Variants in LGSN observed in about 807,000 individuals in gnomAD.
The protein encoded by LGSN is lengsin.
A neutral mutation model predicts 19.5 loss-of-function variants in LGSN; 21 were observed. The observed-to-expected ratio is 1.07, with a 90% CI of 0.76 to 1.55. LGSN has a LOEUF of 1.55. LGSN is among the 40% of genes most tolerant of loss of function. The pLI is 0.00. For synonymous variants in LGSN, 257 were observed against 215.6 expected, an observed-to-expected ratio of 1.19 and a Z score of -1.68; for missense variants, 673 against 608.5, an observed-to-expected ratio of 1.11 and a Z score of -1.12.
chr6:63,323,408 T>G (rs948845810), upstream of LGSN, among the ~76,000 whole-genome samples: 2 of 152,158 alleles, frequency 1.3e-5, no homozygotes, highest in Admixed American at 6.5e-5. Context: ...CCCTTTTGAG[T>G]CTCTACTGTC....
the LGSN span, among the ~76,000 whole-genome samples, chr6:63,407,449 T>C: frequency 5.9e-5 from 9 of 152,316 alleles, no homozygotes; most frequent in South Asian, 1.9e-3. Flanking sequence ...TCTCAATAGA[T>C]GCAGAAAAGA....
At chr6:63,566,097 C>A in the LGSN span, among the ~76,000 whole-genome samples, 1 of 152,316 alleles carries the variant, frequency 6.6e-6, no homozygotes, top group East Asian at 1.9e-4. Flanking sequence ...AATGTACATA[C>A]CTGTTTTGTC....
the LGSN span, among the ~76,000 whole-genome samples, chr6:63,509,004 T>C: frequency 6.6e-6 from 1 of 151,670 alleles, no homozygotes; most frequent in Non-Finnish European, 1.5e-5. Context: ...TAATAATTAT[T>C]TATATAGTTT....
chr6:63,284,088 C>A (rs1020779477), intron 3 of LGSN, among the ~76,000 whole-genome samples: 1 of 152,030 alleles, frequency 6.6e-6, no homozygotes. Flanking sequence ...TGTGCTAATA[C>A]TCATTATTTA....
At chr6:63,441,957 C>T in the LGSN span, 1 of 212,844 alleles carries the variant, frequency 4.7e-6, no homozygotes, top group Non-Finnish European at 9.3e-6. Context: ...GTGAGTGTTA[C>T]AGTTCTTAAA....
the LGSN span, among the ~76,000 whole-genome samples, chr6:63,428,094 G>C: frequency 2.0e-5 from 3 of 151,980 alleles, no homozygotes; most frequent in African/African-American, 7.2e-5. Flanking sequence ...CTCATGCTGA[G>C]AGCAACATTC....
chr6:63,345,703 G>T, the LGSN span, among the ~76,000 whole-genome samples: 1 of 152,062 alleles, frequency 6.6e-6, no homozygotes, highest in Non-Finnish European at 1.5e-5. Flanking sequence ...ACATCCCACT[G>T]GTCTAGAATT....
chr6:63,461,301 C>G, the LGSN span, among the ~76,000 whole-genome samples: 1 of 152,342 alleles, frequency 6.6e-6, no homozygotes, highest in African/African-American at 2.4e-5. Context: ...ATCCACCCAC[C>G]TCAGCCTTCC....
intron 1 of LGSN, among the ~76,000 whole-genome samples, chr6:63,312,592 C>T (rs144959339): frequency 6.6e-6 from 1 of 152,226 alleles, no homozygotes; most frequent in East Asian, 1.9e-4. Context: ...ACTTTAGTCC[C>T]AGGCATTATG....
the LGSN span, among the ~76,000 whole-genome samples, chr6:63,514,884 T>C: frequency 0.54 from 81,248 of 151,672 alleles, 23,566 homozygotes; most frequent in African/African-American, 0.77. Context: ...TTTTATTTTA[T>C]GTAGTGACAG....
chr6:63,420,621 G>C, the LGSN span, among the ~76,000 whole-genome samples: 1 of 152,164 alleles, frequency 6.6e-6, no homozygotes, highest in Admixed American at 6.5e-5. Context: ...GCAGTAAAAA[G>C]GTGGTAGCGC....
intron 1 of LGSN, among the ~76,000 whole-genome samples, chr6:63,316,556 A>T (rs1236274585): frequency 6.6e-6 from 1 of 152,266 alleles, no homozygotes; most frequent in South Asian, 2.1e-4. Context: ...AAAGGAAGCA[A>T]AAAGTTTTGT....
chr6:63,446,895 C>G, the LGSN span, among the ~76,000 whole-genome samples: 1 of 152,176 alleles, frequency 6.6e-6, no homozygotes, highest in South Asian at 2.1e-4. Context: ...ACTAAAAATA[C>G]AAAATTAGCC....
the LGSN span, among the ~76,000 whole-genome samples, chr6:63,527,597 CTATT>C: frequency 1.3e-5 from 2 of 152,192 alleles, no homozygotes; most frequent in South Asian, 2.1e-4. Context: ...CATACATTAA[CTATT>C]TAAGTTTCGG....
the LGSN span, among the ~76,000 whole-genome samples, chr6:63,557,744 G>A: frequency 6.6e-6 from 1 of 152,180 alleles, no homozygotes; most frequent in Non-Finnish European, 1.5e-5. Flanking sequence ...ACGAGGTAGG[G>A]CTATAAGGCA....
chr6:63,440,743 G>T, the LGSN span: 2 of 152,868 alleles, frequency 1.3e-5, no homozygotes, highest in South Asian at 2.0e-4. Context: ...CCTGGAGCCA[G>T]GTCCGTTCAG....
At chr6:63,531,961 TG>T in the LGSN span, among the ~76,000 whole-genome samples, 1 of 151,884 alleles carries the variant, frequency 6.6e-6, no homozygotes, top group Non-Finnish European at 1.5e-5. Flanking sequence ...CCACCATGGC[TG>T]GTTAATTTTT....
chr6:63,312,816 C>T (rs1768684261), intron 1 of LGSN, among the ~76,000 whole-genome samples: 2 of 152,028 alleles, frequency 1.3e-5, no homozygotes, highest in South Asian at 2.1e-4. Flanking sequence ...AAGTGGATTT[C>T]GCAGCTTGGT....
intron 1 of LGSN, among the ~76,000 whole-genome samples, chr6:63,304,744 C>G (rs1455881952): frequency 2.0e-5 from 3 of 152,190 alleles, no homozygotes; most frequent in African/African-American, 7.2e-5. Flanking sequence ...CAATAGTATT[C>G]TCCCTGGTAT....
Sources: gnomAD v4.1 joint callset for allele counts (sites outside exome capture counted in the v4.1 genomes callset) on GRCh38, gnomAD v4.1.1 for gene constraint, MANE v1.5 for transcripts, NCBI Gene and HGNC (gene_info 2026-07-23, HGNC 2026-07-21) for gene names.